ZNF707: variants seen among roughly 807,000 people sequenced by gnomAD.
ZNF707 encodes the protein zinc finger protein 707.
Under a neutral mutation model 13.3 loss-of-function variants are expected in ZNF707, and 8 were observed. The observed-to-expected ratio is 0.60, with a 90% CI of 0.35 to 1.09. The LOEUF (loss-of-function observed/expected upper bound fraction) is 1.09. Among genes scored for constraint, ZNF707 ranks in the 50% least tolerant of loss-of-function variants. The probability of loss-of-function intolerance (pLI) is 0.02; values close to 1 mark genes in which losing one functional copy is unlikely to be tolerated. For synonymous variants in ZNF707, 225 were observed against 205.6 expected, an observed-to-expected ratio of 1.09 and a Z score of -0.81; for missense variants, 530 against 512.6, an observed-to-expected ratio of 1.03 and a Z score of -0.33.
In ZNF707 at chr8:143,693,381, G is replaced by A. The variant is rs1431882829; in HGVS notation, c.257-290G>A. 1.3e-4 allele frequency among the ~76,000 whole-genome samples: 19 copies of A among 151,350 alleles called. No individual in the cohort carries two copies. Among genetic ancestry groups the A allele is most frequent in the Non-Finnish European group, 1.8e-4 (12 of 67,866 alleles). On this transcript the variant is annotated intron_variant, in intron 5 of 5. Coordinates refer to ENST00000358656, the MANE Select transcript of ZNF707 (RefSeq NM_001100598.2). This position sits in a 1 kb window ranked among gnomAD's most constrained non-coding sequence, Gnocchi z 4.1. ...CGGCTCACTGCAAGCTCCGCTTCCC[G>A]GGTTCACGCCATTCTCCTGCCTCAG...
Position 143,694,070 on chromosome 8 carries a change from T to G in ZNF707, c.656T>G (p.Leu219Arg). 6.2e-7 allele frequency: 1 copy of G among 1,607,848 alleles called. No individual in the cohort carries two copies. The highest frequency in any genetic ancestry group is 8.5e-7 in the Non-Finnish European group (1 of 1,178,052). The change falls in exon 6 of 6, where the codon CTG (leucine) becomes CGG (arginine). Residue 219 changes from leucine (L) to arginine (R), a missense_variant. By Grantham distance (102) the Leu-to-Arg change is moderately radical. Transcript: ENST00000358656. This position sits in a 1 kb window ranked among gnomAD's most constrained non-coding sequence, Gnocchi z 4.4. Reference protein sequence around the residue: ...CGQTFRWASNLQRHQKNHTRE... With the variant: ...CGQTFRWASNRQRHQKNHTRE... Reference sequence around the variant, plus strand: ...CAGACCTTCCGGTGGGCTTCAAACCTGCAGCGCCACCAGAAGAACCACACG... The same window carrying G: ...CAGACCTTCCGGTGGGCTTCAAACCGGCAGCGCCACCAGAAGAACCACACG...
Position 143,693,625 on chromosome 8 carries a change from G to C in ZNF707, c.257-46G>C. On this transcript the variant is annotated intron_variant, in intron 5 of 5. Coordinates refer to ENST00000358656, the MANE Select transcript of ZNF707 (RefSeq NM_001100598.2). This position sits in a 1 kb window ranked among gnomAD's most constrained non-coding sequence, Gnocchi z 4.1. ...TGGGCTTTGCTGGAGGCACTGCCTG[G>C]CTGTGGGCCACTGGCTCTGTGTAAG... 6.7e-7 allele frequency: 1 copy of C among 1,493,646 alleles called. No homozygotes were observed. The highest frequency in any genetic ancestry group is 8.9e-7 in the Non-Finnish European group (1 of 1,122,522). 92.5% of individuals were successfully genotyped at this position (1,493,646 alleles called of 1,614,324 possible).
chr8:143,689,620 G>A lies in ZNF707; in HGVS notation c.-53+319G>A, dbSNP rs562869569. Among the ~76,000 whole-genome samples the A allele has an allele frequency of 2.0e-4, 30 of 152,306 alleles. No homozygotes were observed. In the South Asian group the frequency reaches 4.4e-3, roughly 22 times the overall value. ...GGCTGCGAGGTGGCCTCCTTGTAGC[G>A]TACCCGAGAGCATCCTCCTGGCACA... On this transcript the variant is annotated intron_variant, in intron 2 of 5. Transcript: ENST00000358656.
intron 1 of ZNF707, chr8:143,688,728 C>A (rs1554612801): frequency 6.6e-6 from 1 of 150,906 alleles, no homozygotes; most frequent in African/African-American, 2.4e-5. Flanking sequence ...GCAACCTCCG[C>A]CTCCCATATT....
chr8:143,690,415 CA>C, intron 3 of ZNF707: 2 of 413,832 alleles, frequency 4.8e-6, no homozygotes, highest in South Asian at 4.3e-5. Context: ...ACTAAAAATA[CA>C]AAAAATTAGC....
rs200774107 is a variant in ZNF707 at position 143,690,097 on chromosome 8, C to G, written c.-12C>G. On this transcript the variant is annotated 5_prime_UTR_variant, in exon 3 of 6. Coordinates refer to ENST00000358656, the MANE Select transcript of ZNF707 (RefSeq NM_001100598.2). ...CACTGTGCTTCCCCAGAGGGGTGGC[C>G]TCGCTGTTCCCATGGACATGGCCCA... 31 of 1,608,488 alleles carry G rather than the reference C, an allele frequency of 1.9e-5. No individual in the cohort carries two copies. Among genetic ancestry groups the G allele is most frequent in the Non-Finnish European group, 2.6e-5 (31 of 1,179,740 alleles).
chr8:143,693,645 T>C lies in ZNF707; in HGVS notation c.257-26T>C. On this transcript the variant is annotated intron_variant, in intron 5 of 5. Transcript: ENST00000358656. The surrounding 1 kb of genome is among the most constrained non-coding windows in gnomAD (Gnocchi z 4.1). The stretch of plus-strand genomic sequence containing the variant: ...GCCTGGCTGTGGGCCACTGGCTCTG[T>C]GTAAGGGTGTCTGTTCCTTCCACAG... 1 of 1,542,570 alleles carries C rather than the reference T, an allele frequency of 6.5e-7. No individual in the cohort carries two copies.
intron 4 of ZNF707, 86 bp from the exon 5 acceptor site, chr8:143,691,512 CTT>C: frequency 2.8e-6 from 4 of 1,418,518 alleles, no homozygotes; most frequent in Non-Finnish European, 3.8e-6. Flanking sequence ...GGCCTGGCGT[CTT>C]AGGCTGATGC....
intron 1 of ZNF707, chr8:143,687,936 TTTA>T (rs1563723019): frequency 6.6e-6 from 1 of 151,936 alleles, no homozygotes; most frequent in Non-Finnish European, 1.5e-5. Context: ...GGTTTTCTCC[TTTA>T]TTCTGTTAAT....
chr8:143,694,519 G>T lies in ZNF707; in HGVS notation c.1105G>T (p.Gly369Trp), dbSNP rs1554614832. 2 of 1,601,094 alleles carry T rather than the reference G, an allele frequency of 1.2e-6. No homozygotes were observed. The highest frequency in any genetic ancestry group is 8.5e-7 in the Non-Finnish European group (1 of 1,171,216). ...FTRHQRTHRH[G>W]EV ...GCGGCATCAGAGGACTCACAGGCAC[G>T]GGGAGGTGTAGGGGCGCCCGAAGAG... is the stretch of plus-strand genomic sequence containing the variant. Residue 369 changes from glycine (G) to tryptophan (W), a missense_variant, in exon 6 of 6, where the codon GGG (glycine) becomes TGG (tryptophan). Coordinates refer to ENST00000358656, the MANE Select transcript of ZNF707 (RefSeq NM_001100598.2). The surrounding 1 kb of genome is among the most constrained non-coding windows in gnomAD (Gnocchi z 4.4).
chr8:143,690,185 G>T, intron 3 of ZNF707, 62 bp downstream of exon 3: 1 of 1,591,112 alleles, frequency 6.3e-7, no homozygotes, highest in East Asian at 2.2e-5. Context: ...TGAGACCCCA[G>T]CACACACGCG....
intron 1 of ZNF707, 132 bp from the exon 2 acceptor site, chr8:143,689,072 T>G (rs782518405): frequency 6.6e-6 from 1 of 152,272 alleles, no homozygotes; most frequent in Non-Finnish European, 1.5e-5. Context: ...GGAATCCAGC[T>G]GGGTGTGGTA....
In ZNF707 at chr8:143,691,494, C is replaced by T. The variant is rs559997906; in HGVS notation, c.143-106C>T. On this transcript the variant is annotated intron_variant, in intron 4 of 5. Transcript: ENST00000358656. Reference sequence around the variant, plus strand: ...TTGGGGTGGCTTCTCCAGGGCCTCCCGAGGGCTGGCCTGGCGTCTTAGGCT... The same window carrying T: ...TTGGGGTGGCTTCTCCAGGGCCTCCTGAGGGCTGGCCTGGCGTCTTAGGCT... The T allele has an allele frequency of 1.2e-4, 151 of 1,303,906 alleles. 6 individuals carry two copies. The South Asian group carries it at 1.5e-3, about 13-fold the overall frequency. 80.8% of individuals were successfully genotyped at this position (1,303,906 alleles called of 1,614,324 possible).
intron 4 of ZNF707, 169 bp downstream of exon 4, chr8:143,691,368 C>G: frequency 7.9e-7 from 1 of 1,264,414 alleles, no homozygotes; most frequent in Non-Finnish European, 1.1e-6. Context: ...CAGCGTTTCT[C>G]TCGGGCTCCC....
intron 2 of ZNF707, among the ~76,000 whole-genome samples, chr8:143,689,658 C>T (rs782146282): frequency 1.1e-4 from 16 of 152,188 alleles, no homozygotes; most frequent in South Asian, 8.3e-4. Context: ...GCTGTGGGAA[C>T]GGGCTGCCCG....
In ZNF707 at chr8:143,690,107, C is replaced by A. The variant is rs782594988; in HGVS notation, c.-2C>A. 6.2e-7 allele frequency: 1 copy of A among 1,608,266 alleles called. No individual in the cohort carries two copies. The highest frequency in any genetic ancestry group is 1.1e-5 in the South Asian group (1 of 91,076). ...CCCCAGAGGGGTGGCCTCGCTGTTC[C>A]CATGGACATGGCCCAGGTGAGCCCT... On this transcript the variant is annotated 5_prime_UTR_variant, in exon 3 of 6. Transcript: ENST00000358656.
intron 1 of ZNF707, among the ~76,000 whole-genome samples, chr8:143,685,566 G>A (rs1554611747): frequency 6.7e-6 from 1 of 148,152 alleles, no homozygotes; most frequent in East Asian, 2.0e-4. Context: ...TAGGCCGGAT[G>A]CTGTGGCTGA....
chr8:143,687,766 A>G (rs1816422246), intron 1 of ZNF707, among the ~76,000 whole-genome samples: 1 of 152,208 alleles, frequency 6.6e-6, no homozygotes, highest in African/African-American at 2.4e-5. Context: ...TCAGAGGGAA[A>G]GAGCTCCGTA....
At position 143,691,918 on chromosome 8, in the gene ZNF707, G is replaced by A. The variant is rs575011439; in HGVS notation, c.256+205G>A. On this transcript the variant is annotated intron_variant, in intron 5 of 5. Coordinates refer to ENST00000358656, the MANE Select transcript of ZNF707 (RefSeq NM_001100598.2). The stretch of plus-strand genomic sequence containing the variant: ...TGGACACTGGCCGGGGGTGGGGCTC[G>A]AAAGGCATAGTGCTGCAGGATGACA... The A allele has an allele frequency of 1.5e-4, 168 of 1,155,676 alleles. 1 individual carries two copies. The highest frequency in any genetic ancestry group is 1.4e-3 in the East Asian group (53 of 38,880). The allele number at this position is 1,155,676 out of a possible 1,614,324, so 71.6% of individuals were successfully genotyped here.
Sources: allele counts gnomAD v4.1 joint callset (sites outside exome capture counted in the v4.1 genomes callset), GRCh38; gene constraint gnomAD v4.1.1; non-coding constraint Gnocchi (gnomAD v3.1); transcripts MANE v1.5; gene names NCBI Gene and HGNC (gene_info 2026-07-23, HGNC 2026-07-21).